RRBP1: variants seen among roughly 807,000 people sequenced by gnomAD.
RRBP1 encodes the protein ribosome binding protein 1, also known as ribosome-binding protein 1.
In RRBP1, 94 loss-of-function variants were observed where a neutral mutation model predicts 165.2. That is an observed-to-expected ratio of 0.57 (90% CI 0.48 to 0.68). RRBP1 has a LOEUF of 0.68. RRBP1 is among the 30% of genes least tolerant of loss of function. The pLI is 0.00. For synonymous variants in RRBP1, 680 were observed against 714.5 expected (o/e 0.95, Z 0.77); for missense variants, 1,676 against 1,763.0 (o/e 0.95, Z 0.88).
At chr20:17,633,962 C>A (rs1217705237) in intron 7 of RRBP1, among the ~76,000 whole-genome samples, 1 of 152,236 alleles carries the variant, frequency 6.6e-6, no homozygotes, top group Non-Finnish European at 1.5e-5. Context: ...CCTTGACGCC[C>A]TGTAGGCCTG....
At chr20:17,670,289 T>C (rs2036951345) in intron 2 of RRBP1, among the ~76,000 whole-genome samples, 1 of 152,182 alleles carries the variant, frequency 6.6e-6, no homozygotes, top group Admixed American at 6.5e-5. Context: ...CTGCTGGACT[T>C]TGTTTATCTT....
At chr20:17,619,876 G>T in intron 18 of RRBP1, 148 bp from the exon 19 acceptor site, 1 of 575,874 alleles carries the variant, frequency 1.7e-6, no homozygotes, top group South Asian at 2.2e-5. Context: ...CGAGAAACTA[G>T]TCCGCGGCAA....
intron 11 of RRBP1, among the ~76,000 whole-genome samples, chr20:17,626,814 G>A (rs1005987658): frequency 1.3e-5 from 2 of 152,214 alleles, no homozygotes; most frequent in East Asian, 1.9e-4. Context: ...CCTGGCGCTG[G>A]TGCTGCTGAC....
intron 3 of RRBP1, among the ~76,000 whole-genome samples, chr20:17,644,441 T>G (rs1244410630): frequency 6.6e-6 from 1 of 152,214 alleles, no homozygotes; most frequent in Non-Finnish European, 1.5e-5. Flanking sequence ...AAAACATGCA[T>G]GGCTCACTCT....
Position 17,613,949 on chromosome 20 carries a change from C to A in RRBP1, c.*233G>T. The A allele has an allele frequency of 1.9e-6, 1 of 527,236 alleles. No homozygotes were observed. The highest frequency in any genetic ancestry group is 3.1e-5 in the East Asian group (1 of 32,288). 32.7% of individuals were successfully genotyped at this position (527,236 alleles called of 1,614,324 possible). On this transcript the variant is annotated 3_prime_UTR_variant, in exon 25 of 25. Coordinates refer to ENST00000377813, the MANE Select transcript of RRBP1 (RefSeq NM_001365613.2). ...GGGCTTTGGCGTCACTCGGCGGTGG[C>A]CCGGGGCTGCGCCCAGGATAGTGTT...
rs200823864 is a variant in RRBP1 at position 17,616,027 on chromosome 20, A to C, written c.3868-18T>G. The C allele has an allele frequency of 2.3e-4, 372 of 1,600,138 alleles. No individual in the cohort carries two copies. The African/African-American group carries it at 4.6e-3, about 20-fold the overall frequency. On this transcript the variant is annotated intron_variant, in intron 21 of 24. Coordinates refer to ENST00000377813, the MANE Select transcript of RRBP1 (RefSeq NM_001365613.2). ...GTCTTCAGCTGTGCAAACACCGCAAACATAACCCGGCAGCCCGGTGAGGAA... is the reference window on the plus strand; with the variant it reads ...GTCTTCAGCTGTGCAAACACCGCAACCATAACCCGGCAGCCCGGTGAGGAA...
In RRBP1 at chr20:17,660,220, A is replaced by G. The variant is rs148403840; in HGVS notation, c.288T>C (p.Leu96=). The G allele has an allele frequency of 1.6e-4, 259 of 1,613,562 alleles. No homozygotes were observed. Among genetic ancestry groups the G allele is most frequent in the Middle Eastern group, 1.2e-3 (7 of 6,062 alleles). Residue 96 remains leucine (L), a synonymous_variant, in exon 3 of 25, where the codon CTT becomes CTC. Coordinates refer to ENST00000377813, the MANE Select transcript of RRBP1 (RefSeq NM_001365613.2). ...CAGCAGGAGCCCGCACTGGTTCTCG[A>G]AGGAGGACAGTCACATTGGGGGCTG... ...HDPAPNVTVL[L]REPVRAPAVA...
rs186404539 is a variant in RRBP1, at chr20:17,673,455, C to T, written c.-22+6544G>A. 2.0e-3 allele frequency among the ~76,000 whole-genome samples: 305 copies of T among 152,294 alleles called. 8 individuals carry two copies. Among genetic ancestry groups the T allele is most frequent in the Non-Finnish European group, 3.2e-4 (22 of 68,024 alleles). On this transcript the variant is annotated intron_variant, in intron 2 of 24. Transcript: ENST00000377813. ...ATGGAGTCTCACTTTGTCGCCCAGG[C>T]TGGAGTGCAGTGGTACGATCCCGGC...
intron 2 of RRBP1, among the ~76,000 whole-genome samples, chr20:17,660,928 C>T (rs925926295): frequency 9.9e-5 from 15 of 152,142 alleles, no homozygotes; most frequent in Admixed American, 7.2e-4. Flanking sequence ...TAAAAACACC[C>T]GCCCCCACCT....
At chr20:17,626,069 T>C (rs779793328) in intron 11 of RRBP1, among the ~76,000 whole-genome samples, 7 of 152,220 alleles carry the variant, frequency 4.6e-5, no homozygotes, top group Non-Finnish European at 8.8e-5. Context: ...ACTGCCCGAA[T>C]TCTAGAATAT....
chr20:17,670,287 CTTTG>C (rs999923894), intron 2 of RRBP1, among the ~76,000 whole-genome samples: 4 of 152,052 alleles, frequency 2.6e-5, no homozygotes, highest in Admixed American at 6.6e-5. Context: ...TACTGCTGGA[CTTTG>C]TTTATCTTTT....
chr20:17,644,231 T>C (rs1268897668), intron 3 of RRBP1, among the ~76,000 whole-genome samples: 1 of 152,210 alleles, frequency 6.6e-6, no homozygotes, highest in Non-Finnish European at 1.5e-5. Context: ...ATTTTATAAC[T>C]TCTTACCCTG....
intron 2 of RRBP1, among the ~76,000 whole-genome samples, chr20:17,671,063 G>A (rs1338409549): frequency 6.6e-6 from 1 of 152,094 alleles, no homozygotes; most frequent in East Asian, 1.9e-4. Context: ...ACTCTCTTCA[G>A]TTTTATGTAA....
chr20:17,673,757 T>C (rs2037022938), intron 2 of RRBP1, among the ~76,000 whole-genome samples: 1 of 152,166 alleles, frequency 6.6e-6, no homozygotes, highest in South Asian at 2.1e-4. Context: ...TCTCCAGATC[T>C]TCCAACTTAA....
intron 9 of RRBP1, 108 bp downstream of exon 9, chr20:17,629,715 A>T: frequency 8.4e-7 from 1 of 1,193,468 alleles, no homozygotes; most frequent in Non-Finnish European, 1.2e-6. Context: ...TGCTGCCCTC[A>T]CCCAACAGGC....
At chr20:17,639,996 G>A (rs142419206) in intron 5 of RRBP1, among the ~76,000 whole-genome samples, 38 of 151,890 alleles carry the variant, frequency 2.5e-4, no homozygotes, top group African/African-American at 8.4e-4. Context: ...CAAAGGCATC[G>A]ACTACAAACA....
In RRBP1 at chr20:17,630,924, C is replaced by A. The variant is rs181902259; in HGVS notation, c.2611-963G>T. ...ATTTTCTTTTAGGGCAATGGCTGCA[C>A]AACCTGGAGCTGGGGTAACTGCTCA... On this transcript the variant is annotated intron_variant, in intron 8 of 24. Coordinates refer to ENST00000377813, the MANE Select transcript of RRBP1 (RefSeq NM_001365613.2). Among the ~76,000 whole-genome samples, 3 of 152,372 alleles carry A rather than the reference C, an allele frequency of 2.0e-5. No individual in the cohort carries two copies. In the East Asian group the frequency reaches 5.8e-4, roughly 29 times the overall value.
chr20:17,616,032 A>G, intron 21 of RRBP1, 23 bp from the exon 22 acceptor site: 1 of 1,594,728 alleles, frequency 6.3e-7, no homozygotes, highest in Non-Finnish European at 8.5e-7. Context: ...CGCAAACATA[A>G]CCCGGCAGCC....
intron 2 of RRBP1, among the ~76,000 whole-genome samples, chr20:17,664,947 T>G (rs2036840195): frequency 6.6e-6 from 1 of 152,220 alleles, no homozygotes; most frequent in African/African-American, 2.4e-5. Context: ...CAACAGCTCC[T>G]AATTTTTAAA....
Sources: allele counts gnomAD v4.1 joint callset (sites outside exome capture counted in the v4.1 genomes callset), GRCh38; gene constraint gnomAD v4.1.1; transcripts MANE v1.5; gene names NCBI Gene and HGNC (gene_info 2026-07-23, HGNC 2026-07-21).